Variants in SMYD5 observed in about 807,000 individuals in gnomAD.
The protein encoded by SMYD5 is protein-lysine N-trimethyltransferase SMYD5.
Under a neutral mutation model 57.4 loss-of-function variants are expected in SMYD5, and 35 were observed. The ratio of observed to expected loss-of-function variants is 0.61; its 90% CI spans 0.47 to 0.81. The LOEUF is 0.81. Ranked by LOEUF, SMYD5 falls within the 30% of genes least tolerant of loss-of-function variation. The probability of loss-of-function intolerance (pLI) is 0.00; values close to 1 mark genes in which losing one functional copy is unlikely to be tolerated. For synonymous variants in SMYD5, 198 were observed against 189.7 expected, an observed-to-expected ratio of 1.04 and a Z score of -0.36; for missense variants, 471 against 527.9, an observed-to-expected ratio of 0.89 and a Z score of 1.06.
intron 1 of SMYD5, among the ~76,000 whole-genome samples, chr2:73,218,521 G>T (rs896905661): frequency 6.6e-6 from 1 of 152,234 alleles, no homozygotes; most frequent in African/African-American, 2.4e-5. Context: ...ATCAGCTCCT[G>T]GTACTGGAGG....
At chr2:73,219,677 C>T (rs1317207596) in intron 2 of SMYD5, among the ~76,000 whole-genome samples, 1 of 152,164 alleles carries the variant, frequency 6.6e-6, no homozygotes, top group East Asian at 1.9e-4. Context: ...CCACCGTGCC[C>T]AACCCACACA....
chr2:73,226,203 T>G lies in SMYD5; in HGVS notation c.*257T>G. On this transcript the variant is annotated 3_prime_UTR_variant, in exon 13 of 13. Coordinates refer to ENST00000389501, the MANE Select transcript of SMYD5 (RefSeq NM_006062.3). Reference sequence around the variant, plus strand: ...TTTCACAACTGGCCTCCCCTTGAGGTTCCTCCACTCTAGGGTTTGAGGGGC... The same window carrying G: ...TTTCACAACTGGCCTCCCCTTGAGGGTCCTCCACTCTAGGGTTTGAGGGGC... The G allele has an allele frequency of 1.9e-6, 1 of 514,530 alleles. No homozygotes were observed. Among genetic ancestry groups the G allele is most frequent in the Non-Finnish European group, 3.4e-6 (1 of 291,028 alleles). The allele number at this position is 514,530 out of a possible 1,614,324, so 31.9% of individuals were successfully genotyped here. A position where few individuals can be genotyped will look rare whatever the true frequency, so the allele number is the denominator to read the frequency against.
chr2:73,225,505 C>A, intron 11 of SMYD5, 126 bp from the exon 12 acceptor site: 2 of 858,144 alleles, frequency 2.3e-6, no homozygotes, highest in Non-Finnish European at 3.8e-6. Context: ...AGCCCCTTCA[C>A]TGAAGGGCAA....
chr2:73,217,947 T>C (rs1220772187), intron 1 of SMYD5, among the ~76,000 whole-genome samples: 3 of 152,204 alleles, frequency 2.0e-5, no homozygotes, highest in Non-Finnish European at 4.4e-5. Flanking sequence ...ACATGATGTA[T>C]ATAGTGTTTT....
In SMYD5 at chr2:73,221,322, T is replaced by C. The variant is rs1202012400; in HGVS notation, c.537+88T>C. 5 of 1,089,056 alleles carry C rather than the reference T, an allele frequency of 4.6e-6. No homozygotes were observed. In the African/African-American group the frequency reaches 7.8e-5, roughly 17 times the overall value. 67.5% of individuals were successfully genotyped at this position (1,089,056 alleles called of 1,614,324 possible). A position where few individuals can be genotyped will look rare whatever the true frequency, so the allele number is the denominator to read the frequency against. ...CTTTTCCTCACCTCAAAGCCCTAGCTTGGATGCAGAGTTCTTCCTGGCCTT... is the reference window on the plus strand; with the variant it reads ...CTTTTCCTCACCTCAAAGCCCTAGCCTGGATGCAGAGTTCTTCCTGGCCTT... On this transcript the variant is annotated intron_variant, in intron 5 of 12. Coordinates refer to ENST00000389501, the MANE Select transcript of SMYD5 (RefSeq NM_006062.3).
At chr2:73,214,696 G>C (rs1355949025) in intron 1 of SMYD5, 1 of 1,394,794 alleles carries the variant, frequency 7.2e-7, no homozygotes, top group Admixed American at 2.2e-5. Context: ...GCCGGGCAGA[G>C]AGAACTGAGG....
At chr2:73,219,952 A>C (rs1470759128) in intron 2 of SMYD5, 99 bp from the exon 3 acceptor site, 2 of 1,420,808 alleles carry the variant, frequency 1.4e-6, no homozygotes, top group African/African-American at 2.8e-5. Context: ...GAAACACTAG[A>C]ATGGTGCCTG....
chr2:73,220,334 G>A (rs1334950162), intron 3 of SMYD5, 144 bp downstream of exon 3: 14 of 966,786 alleles, frequency 1.4e-5, no homozygotes, highest in Non-Finnish European at 2.1e-5. Context: ...GAAAAGGCTT[G>A]GTTATTGTTC....
Position 73,220,112 on chromosome 2 carries a change from G to GA in SMYD5, c.270dup (p.Pro91ThrfsTer39). The GA allele has an allele frequency of 6.2e-7, 1 of 1,614,192 alleles. No individual in the cohort carries two copies. Among genetic ancestry groups the GA allele is most frequent in the Non-Finnish European group, 8.5e-7 (1 of 1,180,040 alleles). On this transcript the variant is annotated frameshift_variant, in exon 3 of 13. Coordinates refer to ENST00000389501, the MANE Select transcript of SMYD5 (RefSeq NM_006062.3). LOFTEE classifies it high-confidence loss of function. ...AGGAGAATGCCCAGAGGCTGACCGG[G>GA]AAACCAGGCCAGGTTCTGCCTCACC...
intron 11 of SMYD5, 59 bp downstream of exon 11, chr2:73,225,019 AG>A (rs1686472701): frequency 7.6e-7 from 1 of 1,308,686 alleles, no homozygotes; most frequent in Non-Finnish European, 1.1e-6. Flanking sequence ...AGTTCTCTGC[AG>A]GGATCAGGAG....
rs190922880 is a variant in SMYD5, at chr2:73,220,194, A to C, written c.345+4A>C. The C allele has an allele frequency of 6.3e-4, 1,019 of 1,613,908 alleles. 4 individuals are homozygous for C. The African/African-American group carries it at 0.011, about 17-fold the overall frequency. On this transcript the variant is annotated splice_donor_region_variant and intron_variant, in intron 3 of 12. Transcript: ENST00000389501. ...CCAGAACTGTCCCCATTGCCAAGTG[A>C]GTATTCTTGGGGAGTGTACCTGGAA... is the stretch of plus-strand genomic sequence containing the variant.
intron 4 of SMYD5, 98 bp downstream of exon 4, chr2:73,220,880 C>G: frequency 1.4e-6 from 2 of 1,407,442 alleles, no homozygotes; most frequent in South Asian, 1.3e-5. Flanking sequence ...TTCCAATTCC[C>G]CGGATTTTTC....
chr2:73,215,143 ATTG>A (rs1409362098), intron 1 of SMYD5, among the ~76,000 whole-genome samples: 2 of 152,106 alleles, frequency 1.3e-5, no homozygotes, highest in Non-Finnish European at 2.9e-5. Flanking sequence ...TGGACCCTTT[ATTG>A]TTGTATGGTA....
chr2:73,214,512 G>C, intron 1 of SMYD5, 150 bp downstream of exon 1: 5 of 1,488,240 alleles, frequency 3.4e-6, no homozygotes, highest in Non-Finnish European at 4.5e-6. Flanking sequence ...CTCCCAGTCT[G>C]TCCCTGCGCG....
chr2:73,221,503 G>T, intron 5 of SMYD5, among the ~76,000 whole-genome samples: 1 of 148,114 alleles, frequency 6.8e-6, no homozygotes. Flanking sequence ...TATAGAAGAT[G>T]CCTTGTGCAG....
chr2:73,221,146 C>G lies in SMYD5; in HGVS notation c.468-19C>G, dbSNP rs747285847. 1.7e-5 allele frequency: 28 copies of G among 1,611,110 alleles called. No homozygotes were observed. The highest frequency in any genetic ancestry group is 2.2e-5 in the Non-Finnish European group (26 of 1,177,324). On this transcript the variant is annotated intron_variant, in intron 4 of 12. Coordinates refer to ENST00000389501, the MANE Select transcript of SMYD5 (RefSeq NM_006062.3). ...CTAGGGAGAGAATTTCTAGGCCAATCTTTTTTCTCTTTCCCCAGGAGTATT... is the reference window on the plus strand; with the variant it reads ...CTAGGGAGAGAATTTCTAGGCCAATGTTTTTTCTCTTTCCCCAGGAGTATT...
intron 8 of SMYD5, 81 bp downstream of exon 8, chr2:73,223,187 G>C: frequency 8.5e-7 from 1 of 1,177,702 alleles, no homozygotes; most frequent in East Asian, 2.3e-5. Flanking sequence ...TTCAAGACTG[G>C]GATGGGGTAG....
chr2:73,226,287 A>C lies in SMYD5; in HGVS notation c.*341A>C. The stretch of plus-strand genomic sequence containing the variant: ...CCCCTCGGCCCCACGGCCCATACTC[A>C]CCCCTTCACCTGAGGCTTCTCCCCT... On this transcript the variant is annotated 3_prime_UTR_variant, in exon 13 of 13. Coordinates refer to ENST00000389501, the MANE Select transcript of SMYD5 (RefSeq NM_006062.3). 3.7e-6 allele frequency: 1 copy of C among 272,174 alleles called. No individual in the cohort carries two copies. Among genetic ancestry groups the C allele is most frequent in the Non-Finnish European group, 6.9e-6 (1 of 144,392 alleles). The allele number at this position is 272,174 out of a possible 1,614,324, so 16.9% of individuals were successfully genotyped here.
chr2:73,221,975 C>A (rs1203318259), intron 6 of SMYD5, 45 bp downstream of exon 6: 2 of 1,215,324 alleles, frequency 1.6e-6, no homozygotes, highest in South Asian at 2.4e-5. Context: ...CCCAAATATC[C>A]TAGGATGTCT....
Sources: gnomAD v4.1 joint callset for allele counts (sites outside exome capture counted in the v4.1 genomes callset) on GRCh38, gnomAD v4.1.1 for gene constraint, MANE v1.5 for transcripts, NCBI Gene and HGNC (gene_info 2026-07-23, HGNC 2026-07-21) for gene names.